Variants in SNX24 observed in about 807,000 individuals in gnomAD.
SNX24 encodes the protein sorting nexin-24.
Under a neutral mutation model 28.7 loss-of-function variants are expected in SNX24, and 22 were observed. That is an observed-to-expected ratio of 0.77 (90% CI 0.55 to 1.10). The LOEUF (loss-of-function observed/expected upper bound fraction) is 1.10. Among genes scored for constraint, SNX24 ranks in the 50% least tolerant of loss-of-function variants. The pLI is 0.00. For synonymous variants in SNX24, 69 were observed against 71.5 expected (o/e 0.96, Z 0.18); for missense variants, 221 against 201.1 (o/e 1.10, Z -0.60).
intron 3 of SNX24, among the ~76,000 whole-genome samples, chr5:122,989,544 T>C (rs1761743024): frequency 6.6e-6 from 1 of 152,122 alleles, no homozygotes; most frequent in South Asian, 2.1e-4. Flanking sequence ...GGGCAGGTGT[T>C]ATTGGGAAAT....
At chr5:122,916,391 C>T (rs949241485) in intron 1 of SNX24, among the ~76,000 whole-genome samples, 2 of 152,140 alleles carry the variant, frequency 1.3e-5, no homozygotes, top group Non-Finnish European at 2.9e-5. Context: ...AAGGTTTATC[C>T]TGGGGGGCCT....
intron 1 of SNX24, among the ~76,000 whole-genome samples, chr5:122,898,455 C>T (rs995437435): frequency 2.0e-5 from 3 of 152,134 alleles, no homozygotes; most frequent in Non-Finnish European, 4.4e-5. Flanking sequence ...GCCCTGCAGG[C>T]AGTGTGGGAC....
chr5:123,015,578 C>T (rs540351905), intron 5 of SNX24, among the ~76,000 whole-genome samples: 2 of 152,210 alleles, frequency 1.3e-5, no homozygotes, highest in South Asian at 2.1e-4. Flanking sequence ...ATCAGCATCA[C>T]CCAAGAACTC....
intron 1 of SNX24, among the ~76,000 whole-genome samples, chr5:122,852,105 C>T (rs1754947350): frequency 6.7e-6 from 1 of 148,628 alleles, no homozygotes; most frequent in African/African-American, 2.5e-5. Flanking sequence ...TACACACACA[C>T]ATATCTATCT....
At chr5:122,868,745 A>G (rs1755839668) in intron 1 of SNX24, among the ~76,000 whole-genome samples, 1 of 152,132 alleles carries the variant, frequency 6.6e-6, no homozygotes, top group Non-Finnish European at 1.5e-5. Context: ...AGATTCAAAG[A>G]GGTCCACTCA....
At chr5:122,913,280 G>A (rs1293866214) in intron 1 of SNX24, among the ~76,000 whole-genome samples, 3 of 152,124 alleles carry the variant, frequency 2.0e-5, no homozygotes, top group Admixed American at 6.5e-5. Flanking sequence ...TCACTTCCCA[G>A]TAGGGGCGGC....
chr5:122,964,247 C>CAA (rs34174497), intron 3 of SNX24, among the ~76,000 whole-genome samples: 1,207 of 35,628 alleles, frequency 0.034, 39 homozygotes, highest in East Asian at 0.086. Flanking sequence ...GACTCCATCT[C>CAA]AAAAAAAAAA....
intron 3 of SNX24, among the ~76,000 whole-genome samples, chr5:122,995,432 C>T (rs1006335696): frequency 1.2e-4 from 19 of 152,066 alleles, no homozygotes; most frequent in African/African-American, 4.3e-4. Flanking sequence ...CATTGCTTGC[C>T]TCTAGCTCTT....
intron 1 of SNX24, among the ~76,000 whole-genome samples, chr5:122,865,033 C>G (rs1326656683): frequency 1.3e-5 from 2 of 152,368 alleles, no homozygotes; most frequent in East Asian, 1.9e-4. Context: ...AGTTAGATCT[C>G]TTTCACTGTC....
Position 122,999,930 on chromosome 5 carries a change from G to A in SNX24, c.268G>A (p.Glu90Lys). The change falls in exon 4 of 7, where the codon GAA becomes AAA. Residue 90 changes from glutamate to lysine, a missense_variant. Coordinates refer to ENST00000261369, the MANE Select transcript of SNX24 (RefSeq NM_014035.4). ...TTCACAGGCTGTCATTTTAGAAAAT[G>A]AAGAACTTCCCAAACTGTTTCTTGA... ...TYLQAVILENEELPKLFLDFL... is the reference protein window; with the variant it reads ...TYLQAVILENKELPKLFLDFL... 6.2e-7 allele frequency: 1 copy of A among 1,611,822 alleles called. No individual in the cohort carries two copies. Among genetic ancestry groups the A allele is most frequent in the Non-Finnish European group, 8.5e-7 (1 of 1,177,952 alleles).
chr5:122,883,855 T>A (rs1050128599), intron 1 of SNX24, among the ~76,000 whole-genome samples: 2 of 152,090 alleles, frequency 1.3e-5, no homozygotes, highest in Admixed American at 1.3e-4. Context: ...GGGTTCTCAA[T>A]CTATTGCCCA....
chr5:122,973,021 G>C (rs1761020312), intron 3 of SNX24, among the ~76,000 whole-genome samples: 1 of 152,180 alleles, frequency 6.6e-6, no homozygotes, highest in African/African-American at 2.4e-5. Context: ...GAATAGCTGA[G>C]GAAAGAGACC....
intron 3 of SNX24, among the ~76,000 whole-genome samples, chr5:122,999,590 A>G (rs1762171908): frequency 6.6e-6 from 1 of 152,212 alleles, no homozygotes; most frequent in South Asian, 2.1e-4. Flanking sequence ...ACTCTGGATT[A>G]GAATCTCCAT....
chr5:122,952,435 C>T (rs533795720), intron 3 of SNX24, among the ~76,000 whole-genome samples: 300 of 152,238 alleles, frequency 2.0e-3, no homozygotes, highest in Non-Finnish European at 3.1e-3. Context: ...TTAACAACCC[C>T]CTTCGCACTC....
chr5:122,860,810 A>G (rs1755426238), intron 1 of SNX24, among the ~76,000 whole-genome samples: 1 of 151,882 alleles, frequency 6.6e-6, no homozygotes, highest in Admixed American at 6.6e-5. Flanking sequence ...GTTAGCCAGG[A>G]TGGTCTCGAT....
chr5:122,890,544 A>G (rs1308156906), intron 1 of SNX24, among the ~76,000 whole-genome samples: 3 of 146,692 alleles, frequency 2.0e-5, no homozygotes, highest in Non-Finnish European at 4.4e-5. Flanking sequence ...ATCTCAGCTC[A>G]CTACAACCTC....
intron 1 of SNX24, among the ~76,000 whole-genome samples, chr5:122,873,021 C>T (rs1011590931): frequency 6.6e-6 from 1 of 152,116 alleles, no homozygotes; most frequent in Admixed American, 6.6e-5. Flanking sequence ...GGCTGGGGTG[C>T]AGTGGTGCGA....
intron 5 of SNX24, chr5:123,029,236 A>T (rs1185142368): frequency 1.2e-6 from 2 of 1,612,688 alleles, no homozygotes; most frequent in Non-Finnish European, 8.5e-7. Flanking sequence ...TTATTTTCTC[A>T]GATGACATCT....
At chr5:122,938,102 C>A (rs1055733184) in intron 2 of SNX24, among the ~76,000 whole-genome samples, 1 of 152,114 alleles carries the variant, frequency 6.6e-6, no homozygotes, top group Non-Finnish European at 1.5e-5. Flanking sequence ...CTAGCACAGC[C>A]CAGCTGTACT....
Sources: gnomAD v4.1 joint callset for allele counts (sites outside exome capture counted in the v4.1 genomes callset) on GRCh38, gnomAD v4.1.1 for gene constraint, MANE v1.5 for transcripts, NCBI Gene and HGNC (gene_info 2026-07-23, HGNC 2026-07-21) for gene names.